Variants in CDH13 observed in about 807,000 individuals in gnomAD.
CDH13 encodes cadherin-13.
In CDH13, 24 loss-of-function variants were observed where a neutral mutation model predicts 63.8. The observed-to-expected ratio is 0.38, with a 90% CI of 0.27 to 0.53. The LOEUF (loss-of-function observed/expected upper bound fraction) is 0.53. CDH13 is among the 20% of genes least tolerant of loss of function. CDH13 has a pLI of 0.85. For missense variants in CDH13, 1,049 were observed against 903.1 expected, an observed-to-expected ratio of 1.16 and a Z score of -2.07; for synonymous variants, 503 against 355.3, an observed-to-expected ratio of 1.42 and a Z score of -4.67.
chr16:83,385,266 T>A (rs1298563267), intron 6 of CDH13, among the ~76,000 whole-genome samples: 1 of 152,222 alleles, frequency 6.6e-6, no homozygotes, highest in African/African-American at 2.4e-5. Flanking sequence ...GCAAGTAAGA[T>A]CTTCATGTTA....
chr16:83,762,235 C>T (rs1279717026), intron 11 of CDH13, among the ~76,000 whole-genome samples: 1 of 152,042 alleles, frequency 6.6e-6, no homozygotes, highest in Admixed American at 6.5e-5. Flanking sequence ...ACCTTTAATG[C>T]TGGCATTTTA....
intron 1 of CDH13, among the ~76,000 whole-genome samples, chr16:82,762,557 C>G (rs957744596): frequency 6.6e-6 from 1 of 152,184 alleles, no homozygotes; most frequent in African/African-American, 2.4e-5. Flanking sequence ...GCCAGACTCT[C>G]AGCTTTGCTT....
intron 8 of CDH13, among the ~76,000 whole-genome samples, chr16:83,610,002 T>G (rs957699888): frequency 5.3e-5 from 8 of 152,254 alleles, no homozygotes; most frequent in Non-Finnish European, 1.0e-4. Flanking sequence ...CTTCTTTCAC[T>G]TAGCATTATG....
intron 1 of CDH13, among the ~76,000 whole-genome samples, chr16:82,703,355 T>G (rs897449369): frequency 3.9e-5 from 6 of 152,122 alleles, no homozygotes; most frequent in African/African-American, 1.4e-4. Context: ...ATGTTCTGCC[T>G]GAGTGCTTGT....
At chr16:83,578,627 A>G (rs186783078) in intron 7 of CDH13, among the ~76,000 whole-genome samples, 51 of 152,292 alleles carry the variant, frequency 3.3e-4, no homozygotes, top group Middle Eastern at 3.4e-3. Flanking sequence ...ATGTTTAATG[A>G]GCATCTATTA....
At chr16:83,606,044 G>C (rs1036909442) in intron 8 of CDH13, among the ~76,000 whole-genome samples, 1 of 152,182 alleles carries the variant, frequency 6.6e-6, no homozygotes, top group Non-Finnish European at 1.5e-5. Context: ...ATATGGAAGA[G>C]GTAGGAAAAC....
At chr16:83,242,611 C>T (rs950349171) in intron 5 of CDH13, among the ~76,000 whole-genome samples, 8 of 152,110 alleles carry the variant, frequency 5.3e-5, no homozygotes, top group Non-Finnish European at 1.0e-4. Context: ...GAAGAAGGCT[C>T]ATGGAGTTAG....
intron 7 of CDH13, among the ~76,000 whole-genome samples, chr16:83,578,429 C>T (rs1029959084): frequency 6.6e-6 from 1 of 152,136 alleles, no homozygotes; most frequent in Non-Finnish European, 1.5e-5. Context: ...AGGTCCCAGG[C>T]TGAAATATGC....
intron 5 of CDH13, among the ~76,000 whole-genome samples, chr16:83,310,467 G>A (rs935648035): frequency 1.3e-5 from 2 of 152,152 alleles, no homozygotes; most frequent in Non-Finnish European, 2.9e-5. Context: ...ACACACATAC[G>A]TACAGAGAGG....
chr16:83,114,209 C>T (rs985353951), intron 3 of CDH13, among the ~76,000 whole-genome samples: 6 of 152,092 alleles, frequency 3.9e-5, no homozygotes, highest in East Asian at 3.9e-4. Context: ...ATTGGACCTT[C>T]GATGCATTTT....
intron 4 of CDH13, among the ~76,000 whole-genome samples, chr16:83,200,921 ATGTG>A (rs374017580): frequency 0.048 from 6,275 of 129,582 alleles, 213 homozygotes; most frequent in East Asian, 0.094. Flanking sequence ...AGTCTTAAAA[ATGTG>A]TGTGTGTGTG....
At chr16:82,937,432 C>G (rs2042704771) in intron 2 of CDH13, among the ~76,000 whole-genome samples, 1 of 151,420 alleles carries the variant, frequency 6.6e-6, no homozygotes, top group Admixed American at 6.6e-5. Context: ...CACACACACA[C>G]ACACAGACAC....
intron 5 of CDH13, among the ~76,000 whole-genome samples, chr16:83,339,300 T>A (rs1321833432): frequency 6.6e-6 from 1 of 152,174 alleles, no homozygotes; most frequent in African/African-American, 2.4e-5. Flanking sequence ...ATGATAAACA[T>A]GCAACTGTAT....
chr16:83,231,068 C>A (rs977482958), intron 5 of CDH13, among the ~76,000 whole-genome samples: 1 of 152,230 alleles, frequency 6.6e-6, no homozygotes, highest in Non-Finnish European at 1.5e-5. Context: ...ATGCTCAGAG[C>A]AAGACCTGGT....
intron 2 of CDH13, among the ~76,000 whole-genome samples, chr16:82,929,992 A>T (rs1039111462): frequency 2.3e-4 from 34 of 150,676 alleles, no homozygotes; most frequent in African/African-American, 8.3e-4. Context: ...CATATTCCAC[A>T]AGGGAAATCA....
chr16:82,990,741 T>C (rs1911563155), intron 2 of CDH13, among the ~76,000 whole-genome samples: 1 of 152,064 alleles, frequency 6.6e-6, no homozygotes, highest in African/African-American at 2.4e-5. Context: ...AGGTGGGGTC[T>C]TGCTATGTTG....
chr16:82,851,264 T>G (rs1463010899), intron 1 of CDH13, among the ~76,000 whole-genome samples: 1 of 151,760 alleles, frequency 6.6e-6, no homozygotes, highest in South Asian at 2.1e-4. Flanking sequence ...TGAAACCCCG[T>G]CACTACTAAA....
At chr16:83,599,486 G>T (rs1907579103) in intron 7 of CDH13, among the ~76,000 whole-genome samples, 1 of 152,088 alleles carries the variant, frequency 6.6e-6, no homozygotes, top group Non-Finnish European at 1.5e-5. Flanking sequence ...TCCACATCTT[G>T]GGATCTATCA....
chr16:83,035,319 G>A (rs968716230), intron 3 of CDH13, among the ~76,000 whole-genome samples: 3 of 152,212 alleles, frequency 2.0e-5, no homozygotes, highest in Admixed American at 6.5e-5. Flanking sequence ...GGTACCAGGC[G>A]GGGAGCTAAC....
Sources: gnomAD v4.1 joint callset for allele counts (sites outside exome capture counted in the v4.1 genomes callset) on GRCh38, gnomAD v4.1.1 for gene constraint, MANE v1.5 for transcripts, NCBI Gene and HGNC (gene_info 2026-07-23, HGNC 2026-07-21) for gene names.